AKR1C8: variants seen among roughly 807,000 people sequenced by gnomAD.
The protein encoded by AKR1C8 is aldo-keto reductase family 1 member C8, also known as aldo-keto reductase family 1 member C-like protein 1.
chr10:5,122,189 C>T, the AKR1C8 span: 2 of 369,770 alleles, frequency 5.4e-6, no homozygotes, highest in Non-Finnish European at 1.1e-5. Flanking sequence ...GCGATACTCA[C>T]ATTCACCTTT....
the AKR1C8 span, among the ~76,000 whole-genome samples, chr10:5,134,968 G>A: frequency 2.0e-5 from 3 of 152,156 alleles, no homozygotes; most frequent in East Asian, 5.8e-4. Context: ...AGACCCCAAT[G>A]CAGAACAAAG....
At chr10:5,149,434 T>G in the AKR1C8 span, among the ~76,000 whole-genome samples, 1 of 152,154 alleles carries the variant, frequency 6.6e-6, no homozygotes, top group African/African-American at 2.4e-5. Flanking sequence ...CTGAAGCTAT[T>G]TAAAAGACTC....
the AKR1C8 span, among the ~76,000 whole-genome samples, chr10:5,174,764 T>G: frequency 1.3e-5 from 2 of 151,852 alleles, no homozygotes; most frequent in Non-Finnish European, 2.9e-5. Flanking sequence ...AATAAAAAAT[T>G]ATGAAAAGAC....
chr10:5,170,160 A>G, the AKR1C8 span, among the ~76,000 whole-genome samples: 202 of 152,220 alleles, frequency 1.3e-3, 1 homozygote, highest in Admixed American at 3.2e-3. Context: ...ACTCAGAGGC[A>G]GTGCCTGCTG....
the AKR1C8 span, among the ~76,000 whole-genome samples, chr10:5,176,659 A>C: frequency 6.6e-6 from 1 of 152,088 alleles, no homozygotes; most frequent in African/African-American, 2.4e-5. Context: ...TTCCTTAAGC[A>C]GTGGTTTGTA....
chr10:5,170,751 C>T, the AKR1C8 span, among the ~76,000 whole-genome samples: 1 of 152,096 alleles, frequency 6.6e-6, no homozygotes, highest in Non-Finnish European at 1.5e-5. Flanking sequence ...AAGGAAAGCA[C>T]ACCATTCCAG....
the AKR1C8 span, among the ~76,000 whole-genome samples, chr10:5,175,455 T>C: frequency 3.3e-5 from 5 of 152,186 alleles, no homozygotes; most frequent in East Asian, 3.8e-4. Flanking sequence ...TGTGTCTTTA[T>C]AGCAGCATGA....
chr10:5,142,103 T>C, the AKR1C8 span, among the ~76,000 whole-genome samples: 3 of 152,122 alleles, frequency 2.0e-5, no homozygotes, highest in African/African-American at 7.2e-5. Flanking sequence ...TTGCTTTATT[T>C]TGCACTTTTT....
At chr10:5,167,395 C>T in the AKR1C8 span, among the ~76,000 whole-genome samples, 3 of 152,182 alleles carry the variant, frequency 2.0e-5, no homozygotes, top group African/African-American at 7.2e-5. Context: ...AAATGTCCAA[C>T]AATGATAGAC....
the AKR1C8 span, among the ~76,000 whole-genome samples, chr10:5,183,818 T>TA: frequency 2.0e-5 from 3 of 151,648 alleles, no homozygotes; most frequent in Admixed American, 1.3e-4. Context: ...CTCACTCAGA[T>TA]AAAAAAACAA....
At chr10:5,147,617 C>T in the AKR1C8 span, among the ~76,000 whole-genome samples, 8 of 152,186 alleles carry the variant, frequency 5.3e-5, no homozygotes, top group Non-Finnish European at 1.0e-4. Flanking sequence ...GACGTTCAAC[C>T]TTATAGTTCC....
chr10:5,167,828 A>T, the AKR1C8 span, among the ~76,000 whole-genome samples: 96 of 152,242 alleles, frequency 6.3e-4, 1 homozygote, highest in South Asian at 0.019. Flanking sequence ...TGTATAAAAA[A>T]CACTGTAAAA....
chr10:5,160,055 T>G, the AKR1C8 span: 1 of 325,026 alleles, frequency 3.1e-6, no homozygotes, highest in East Asian at 8.9e-5. Context: ...ATTTTTCTTT[T>G]CAATTGGCGT....
chr10:5,167,188 T>A, the AKR1C8 span, among the ~76,000 whole-genome samples: 73 of 152,216 alleles, frequency 4.8e-4, no homozygotes, highest in African/African-American at 1.6e-3. Flanking sequence ...TGTTGGTGGG[T>A]CTGTAAACTA....
chr10:5,161,420 C>T, the AKR1C8 span, among the ~76,000 whole-genome samples: 1 of 152,172 alleles, frequency 6.6e-6, no homozygotes, highest in Non-Finnish European at 1.5e-5. Flanking sequence ...TGCACCATCC[C>T]AGGTATCTCT....
chr10:5,151,693 A>T, the AKR1C8 span, among the ~76,000 whole-genome samples: 231 of 151,708 alleles, frequency 1.5e-3, 1 homozygote, highest in African/African-American at 4.6e-3. Flanking sequence ...AGTAGCTGGG[A>T]TTACAGGCAC....
the AKR1C8 span, among the ~76,000 whole-genome samples, chr10:5,127,634 G>A: frequency 1.5e-3 from 219 of 148,630 alleles, 2 homozygotes; most frequent in African/African-American, 5.1e-3. Flanking sequence ...CAGGAGAATC[G>A]CTTTAACCTG....
chr10:5,140,543 A>C, the AKR1C8 span, among the ~76,000 whole-genome samples: 1 of 152,078 alleles, frequency 6.6e-6, no homozygotes, highest in East Asian at 1.9e-4. Context: ...AAACAATCTC[A>C]AGGACAGAAA....
chr10:5,138,081 A>G, the AKR1C8 span, among the ~76,000 whole-genome samples: 1 of 151,440 alleles, frequency 6.6e-6, no homozygotes, highest in Non-Finnish European at 1.5e-5. Context: ...TCAGCGGTGC[A>G]CGTACTGTCT....
Sources: allele counts gnomAD v4.1 joint callset (sites outside exome capture counted in the v4.1 genomes callset), GRCh38; gene constraint gnomAD v4.1.1; transcripts MANE v1.5; gene names NCBI Gene and HGNC (gene_info 2026-07-23, HGNC 2026-07-21).